Variants in ARAP2 observed in about 807,000 individuals in gnomAD.
ARAP2 encodes the protein arf-GAP with Rho-GAP domain, ANK repeat and PH domain-containing protein 2.
A neutral mutation model predicts 194.5 loss-of-function variants in ARAP2; 148 were observed. The ratio of observed to expected loss-of-function variants is 0.76; its 90% CI spans 0.67 to 0.87. The LOEUF (loss-of-function observed/expected upper bound fraction) is 0.87, where lower values mean the gene tolerates loss of function less well. ARAP2 is among the 40% of genes least tolerant of loss of function. The pLI is 0.00. For synonymous variants in ARAP2, 695 were observed against 683.5 expected (o/e 1.02, Z -0.26); for missense variants, 2,128 against 1,989.7 (o/e 1.07, Z -1.32).
At chr4:36,118,245 C>T (rs1577952272) in intron 24 of ARAP2, among the ~76,000 whole-genome samples, 1 of 144,384 alleles carries the variant, frequency 6.9e-6, no homozygotes. Context: ...ACTATGTTTG[C>T]ATAAACAGCT....
chr4:36,071,851 T>TC lies in ARAP2; in HGVS notation c.4743+1837dup, dbSNP rs970713759. ...ATCTCCCAATGCTATCCCTCCCCGC[T>TC]CCCCCCACCCCAACACAGTCCCCAG... On this transcript the variant is annotated intron_variant, in intron 32 of 32. Coordinates refer to ENST00000303965, the MANE Select transcript of ARAP2 (RefSeq NM_015230.4). 2.7e-5 allele frequency among the ~76,000 whole-genome samples: 4 copies of TC among 147,726 alleles called. No individual in the cohort carries two copies. The South Asian group carries it at 6.6e-4, about 24-fold the overall frequency.
intron 13 of ARAP2, 99 bp from the exon 14 acceptor site, chr4:36,159,604 C>T: frequency 9.2e-7 from 1 of 1,081,682 alleles, no homozygotes; most frequent in South Asian, 3.0e-5. Flanking sequence ...GGGATAAAGT[C>T]TGTATTCCTT....
At position 36,050,234 on chromosome 4, in the gene ARAP2, G is replaced by C. The variant is rs78969554; in HGVS notation, n.369+1772C>G. ...ATTCTAAATACATACAGCATGCTTT[G>C]GCAGAGAGCATCTGCAGCCAATGTC... On this transcript the variant is annotated intron_variant and non_coding_transcript_variant, in intron 3 of 12. Transcript: ENST00000503225. 5.9e-3 allele frequency among the ~76,000 whole-genome samples: 893 copies of C among 152,200 alleles called. 11 individuals carry two copies. The highest frequency in any genetic ancestry group is 6.0e-3 in the Non-Finnish European group (409 of 67,992).
At chr4:36,015,129 A>G (rs1715547501) in intron 8 of ARAP2, among the ~76,000 whole-genome samples, 1 of 152,212 alleles carries the variant, frequency 6.6e-6, no homozygotes, top group Admixed American at 6.5e-5. Flanking sequence ...AAGAGAAGTT[A>G]TTCCCTCTTA....
chr4:36,126,497 T>G (rs776947265), intron 21 of ARAP2, among the ~76,000 whole-genome samples: 1 of 152,082 alleles, frequency 6.6e-6, no homozygotes, highest in African/African-American at 2.4e-5. Context: ...CATATAAATA[T>G]AGGTGGTACA....
Position 36,229,015 on chromosome 4 carries a change from C to G in ARAP2, c.472G>C (p.Glu158Gln). 1.2e-6 allele frequency: 2 copies of G among 1,614,084 alleles called. No individual in the cohort carries two copies. The highest frequency in any genetic ancestry group is 1.7e-6 in the Non-Finnish European group (2 of 1,180,004). Residue 158 changes from glutamate (E) to glutamine (Q), a missense_variant, in exon 2 of 33, where the codon GAA becomes CAA. Coordinates refer to ENST00000303965, the MANE Select transcript of ARAP2 (RefSeq NM_015230.4). ...AAAGAACCCAAATTCAGGTGTGGTTCCTCTGCAGTGGGGAAGTCGCGTTTA... is the reference window on the plus strand; with the variant it reads ...AAAGAACCCAAATTCAGGTGTGGTTGCTCTGCAGTGGGGAAGTCGCGTTTA... ...PPKRDFPTAE[E>Q]PHLNLGSLND...
intron 29 of ARAP2, 116 bp downstream of exon 29, chr4:36,083,252 A>G (rs1453523178): frequency 1.3e-6 from 1 of 766,234 alleles, no homozygotes; most frequent in East Asian, 2.8e-5. Context: ...CTTAAAAAAA[A>G]TAGCCTAAAA....
At chr4:36,177,005 T>G (rs1221148310) in intron 9 of ARAP2, among the ~76,000 whole-genome samples, 1 of 151,934 alleles carries the variant, frequency 6.6e-6, no homozygotes, top group Non-Finnish European at 1.5e-5. Context: ...ATCTAATATA[T>G]TCTAGGCTGA....
At chr4:36,194,912 G>T (rs1487228766) in intron 6 of ARAP2, among the ~76,000 whole-genome samples, 2 of 152,066 alleles carry the variant, frequency 1.3e-5, no homozygotes, top group Non-Finnish European at 2.9e-5. Flanking sequence ...GGCCAGGCGT[G>T]GTGGCTCATG....
chr4:36,074,122 G>A (rs569815245), intron 31 of ARAP2, among the ~76,000 whole-genome samples: 39 of 152,172 alleles, frequency 2.6e-4, no homozygotes, highest in Middle Eastern at 3.4e-3. Flanking sequence ...TCTCTTTGTG[G>A]AAGAAAAATA....
chr4:36,150,640 CA>C (rs1170061867), intron 16 of ARAP2, among the ~76,000 whole-genome samples: 169 of 138,078 alleles, frequency 1.2e-3, no homozygotes, highest in African/African-American at 2.1e-3. Flanking sequence ...GACTCCATCT[CA>C]AAAAAAAAAA....
intron 6 of ARAP2, among the ~76,000 whole-genome samples, chr4:36,017,933 C>T (rs1186196277): frequency 6.6e-6 from 1 of 152,004 alleles, no homozygotes; most frequent in Non-Finnish European, 1.5e-5. Flanking sequence ...GAAATAATAA[C>T]AAAAATCATG....
chr4:36,205,853 T>C (rs968956106), intron 6 of ARAP2, among the ~76,000 whole-genome samples: 1 of 152,240 alleles, frequency 6.6e-6, no homozygotes, highest in Non-Finnish European at 1.5e-5. Flanking sequence ...ATGAAACTTT[T>C]TTCGTCCTCA....
intron 9 of ARAP2, among the ~76,000 whole-genome samples, chr4:36,172,612 C>T (rs1277750180): frequency 1.3e-5 from 2 of 152,090 alleles, no homozygotes; most frequent in Non-Finnish European, 1.5e-5. Context: ...CTGGCGAAAA[C>T]TACATTTTAA....
chr4:36,200,406 C>A (rs1301653162), intron 6 of ARAP2, among the ~76,000 whole-genome samples: 5 of 152,076 alleles, frequency 3.3e-5, no homozygotes, highest in Non-Finnish European at 7.4e-5. Flanking sequence ...CGGGCATGCA[C>A]CACCATGCCC....
At chr4:36,102,638 A>C (rs1424019804) in intron 27 of ARAP2, among the ~76,000 whole-genome samples, 1 of 152,012 alleles carries the variant, frequency 6.6e-6, no homozygotes, top group African/African-American at 2.4e-5. Context: ...CTTTTCTGTG[A>C]TTGAAAGCTC....
intron 27 of ARAP2, among the ~76,000 whole-genome samples, chr4:36,103,458 TATA>T (rs1271684124): frequency 6.6e-6 from 1 of 151,160 alleles, no homozygotes; most frequent in African/African-American, 2.4e-5. Context: ...CAGTATAATA[TATA>T]ATAATAATAA....
At chr4:36,153,805 ACTCCTC>A (rs1395389111) in intron 15 of ARAP2, among the ~76,000 whole-genome samples, 1 of 151,920 alleles carries the variant, frequency 6.6e-6, no homozygotes, top group African/African-American at 2.4e-5. Context: ...GCCCTTCACT[ACTCCTC>A]CTCTTCATCA....
intron 6 of ARAP2, among the ~76,000 whole-genome samples, chr4:36,198,835 A>G: frequency 6.6e-6 from 1 of 152,156 alleles, no homozygotes; most frequent in Non-Finnish European, 1.5e-5. Context: ...TGCAGCCCTG[A>G]CTTGGGCAGA....
Sources: allele counts gnomAD v4.1 joint callset (sites outside exome capture counted in the v4.1 genomes callset), GRCh38; gene constraint gnomAD v4.1.1; transcripts MANE v1.5; gene names NCBI Gene and HGNC (gene_info 2026-07-23, HGNC 2026-07-21).